UBR4: variants seen among roughly 807,000 people sequenced by gnomAD.
UBR4 encodes the protein ubiquitin protein ligase E3 component n-recognin 4, also known as E3 ubiquitin-protein ligase UBR4.
A neutral mutation model predicts 575.6 loss-of-function variants in UBR4; 124 were observed. The observed-to-expected ratio is 0.22, with a 90% CI of 0.19 to 0.25. UBR4 has a LOEUF of 0.25. UBR4 is among the 10% of genes least tolerant of loss of function. UBR4 has a pLI of 1.00. For missense variants in UBR4, 4,818 were observed against 6,478.8 expected, an observed-to-expected ratio of 0.74 and a Z score of 8.80; for synonymous variants, 2,455 against 2,473.7, an observed-to-expected ratio of 0.99 and a Z score of 0.22.
rs201744932 is a variant in UBR4, at chr1:19,148,051, T to C, written c.7571A>G (p.Gln2524Arg). 7 of 1,612,702 alleles carry C rather than the reference T, an allele frequency of 4.3e-6. No individual in the cohort carries two copies. The African/African-American group carries it at 9.3e-5, about 21-fold the overall frequency. Residue 2524 changes from glutamine (Q) to arginine (R), a missense_variant, in exon 51 of 106, where the codon CAG becomes CGG. Gln to Arg is a conservative substitution (Grantham distance 43). Around this residue, in one of 29 missense-constraint regions of UBR4, gnomAD observed 340 missense variants for 375.4 expected, o/e 0.91. Transcript: ENST00000375254. The part of the protein sequence containing the change: ...SLPAPASVQQ[Q>R]SKSLLASLHT... ...CAGGCTGGCCAGAAGGCTCTTGGAC[T>C]GCTGCTGGACACTGGCAGGTGCTGG...
chr1:19,169,976 G>A (rs1251427279), intron 26 of UBR4, among the ~76,000 whole-genome samples: 1 of 152,210 alleles, frequency 6.6e-6, no homozygotes, highest in Admixed American at 6.5e-5. Flanking sequence ...AGTACAAAGT[G>A]AGACTATCTG....
intron 60 of UBR4, among the ~76,000 whole-genome samples, chr1:19,133,567 A>T (rs974997862): frequency 6.6e-6 from 1 of 152,248 alleles, no homozygotes; most frequent in Non-Finnish European, 1.5e-5. Context: ...AAAATTAAAA[A>T]GTATAAAGAT....
rs777547527 is a variant in UBR4, at chr1:19,124,555, A to G, written c.9574T>C (p.Tyr3192His). 12 of 1,614,208 alleles carry G rather than the reference A, an allele frequency of 7.4e-6. No individual in the cohort carries two copies. Among genetic ancestry groups the G allele is most frequent in the Non-Finnish European group, 1.0e-5 (12 of 1,180,000 alleles). Reference protein sequence around the residue: ...PPPVFDHSWFYFLSEYLMIQQ... With the variant: ...PPPVFDHSWFHFLSEYLMIQQ... ...CTTTCACTTACCTCGGAGAGAAAGT[A>G]AAACCACGAGTGGTCAAAGACAGGA... Residue 3192 changes from tyrosine (Y) to histidine (H), a missense_variant, in exon 65 of 106, where the codon TAC becomes CAC. Tyr to His is a moderately conservative substitution (Grantham distance 83). Around this residue, in one of 29 missense-constraint regions of UBR4, gnomAD observed 550 missense variants for 791.5 expected, o/e 0.69. Coordinates refer to ENST00000375254, the MANE Select transcript of UBR4 (RefSeq NM_020765.3).
rs202182764 is a variant in UBR4, at chr1:19,163,875, G to A, written c.4701-48C>T. On this transcript the variant is annotated intron_variant, in intron 33 of 105. Coordinates refer to ENST00000375254, the MANE Select transcript of UBR4 (RefSeq NM_020765.3). Reference sequence around the variant, plus strand: ...GGGAAAGAGGAGACACAAAATCATCGAAGAAACCAACGAAATGAGGCATCT... The same window carrying A: ...GGGAAAGAGGAGACACAAAATCATCAAAGAAACCAACGAAATGAGGCATCT... 2.5e-5 allele frequency: 40 copies of A among 1,597,258 alleles called. No individual in the cohort carries two copies. The East Asian group carries it at 3.3e-4, about 13-fold the overall frequency.
chr1:19,095,763 C>G (rs2077974347), intron 92 of UBR4, 111 bp from the exon 93 acceptor site: 19 of 950,474 alleles, frequency 2.0e-5, no homozygotes, highest in Non-Finnish European at 3.1e-5. Flanking sequence ...AGGGGCTCCT[C>G]CTGAAATGAA....
chr1:19,184,218 G>A (rs776415585), intron 15 of UBR4, 43 bp from the exon 16 acceptor site: 3 of 1,592,332 alleles, frequency 1.9e-6, no homozygotes, highest in East Asian at 2.2e-5. Flanking sequence ...AGGGTCATAA[G>A]CCCAGCGTTC....
intron 14 of UBR4, among the ~76,000 whole-genome samples, chr1:19,186,076 C>T (rs1007967002): frequency 2.0e-5 from 3 of 152,070 alleles, no homozygotes; most frequent in African/African-American, 7.2e-5. Flanking sequence ...CTTATTCATT[C>T]TCTCATCAAA....
At chr1:19,175,729 C>G (rs1193205153) in intron 20 of UBR4, among the ~76,000 whole-genome samples, 2 of 152,170 alleles carry the variant, frequency 1.3e-5, no homozygotes, top group Non-Finnish European at 2.9e-5. Context: ...TGGCAAGAAT[C>G]CATATACTGT....
intron 26 of UBR4, 54 bp from the exon 27 acceptor site, chr1:19,169,586 G>C (rs1410224395): frequency 5.3e-6 from 8 of 1,518,434 alleles, no homozygotes; most frequent in Non-Finnish European, 1.8e-6. Context: ...GAACGACACA[G>C]AGCATTTTAA....
chr1:19,196,255 C>T (rs1387958066), intron 8 of UBR4, among the ~76,000 whole-genome samples: 2 of 152,158 alleles, frequency 1.3e-5, no homozygotes, highest in African/African-American at 4.8e-5. Flanking sequence ...CTCTAAAAGA[C>T]AGTAAGGTCT....
rs1465866709 is a variant in UBR4, at chr1:19,121,204, C to G, written c.10126G>C (p.Glu3376Gln). ...TGACCCTTACCATCTTTCTCCTTTT[C>G]TTTTTCTTCTTTCTTGCTCTTTTTA... ...STKKSKKEEK[E>Q]KEKDGETSGS... Residue 3376 changes from glutamate to glutamine, a missense_variant, in exon 68 of 106, where the codon GAA (glutamate) becomes CAA (glutamine). Physicochemically the swap from Glu to Gln is conservative, Grantham distance 29 (BLOSUM62 2). Coordinates refer to ENST00000375254, the MANE Select transcript of UBR4 (RefSeq NM_020765.3). 1.9e-6 allele frequency: 3 copies of G among 1,613,926 alleles called. No individual in the cohort carries two copies. Among genetic ancestry groups the G allele is most frequent in the Non-Finnish European group, 2.5e-6 (3 of 1,179,964 alleles).
chr1:19,091,068 C>A (rs914918841), intron 97 of UBR4, among the ~76,000 whole-genome samples: 2 of 149,820 alleles, frequency 1.3e-5, no homozygotes, highest in African/African-American at 5.0e-5. Flanking sequence ...TGCACTCCAG[C>A]CTGGGTGACA....
intron 60 of UBR4, among the ~76,000 whole-genome samples, chr1:19,132,752 A>G (rs1490589764): frequency 1.3e-5 from 2 of 152,036 alleles, no homozygotes; most frequent in Non-Finnish European, 2.9e-5. Flanking sequence ...CTGACAAAGA[A>G]TAAGTTACTA....
chr1:19,177,720 T>C lies in UBR4; in HGVS notation c.2378A>G (p.Asn793Ser), dbSNP rs2090423733. 6.2e-7 allele frequency: 1 copy of C among 1,613,570 alleles called. No homozygotes were observed. Among genetic ancestry groups the C allele is most frequent in the Admixed American group, 1.7e-5 (1 of 59,962 alleles). ...WDRFLSTMKQ[N>S]ALQGVVPSET... ...ACTGGGCACCACACCTTGCAGGGCA[T>C]TCTGCTTCATTGTAGACAAAAACCT... The change falls in exon 19 of 106, where the codon AAT becomes AGT. Residue 793 changes from asparagine to serine, a missense_variant. By Grantham distance (46) the Asn-to-Ser change is conservative (BLOSUM62 1). Transcript: ENST00000375254.
Position 19,173,318 on chromosome 1 carries a change from G to C in UBR4, c.3166-12C>G, listed in dbSNP as rs750481303. On this transcript the variant is annotated splice_polypyrimidine_tract_variant and intron_variant, in intron 23 of 105. Coordinates refer to ENST00000375254, the MANE Select transcript of UBR4 (RefSeq NM_020765.3). ...TTGATAAGGTGATCCTATTTGGACA[G>C]CAAGAAAAAGTGTTTAGGAGATGAC... 1 of 1,613,512 alleles carries C rather than the reference G, an allele frequency of 6.2e-7. No homozygotes were observed. The highest frequency in any genetic ancestry group is 1.7e-5 in the Admixed American group (1 of 59,822).
At position 19,167,144 on chromosome 1, in the gene UBR4, G is replaced by C. The variant is rs540451150; in HGVS notation, c.3987C>G (p.Ile1329Met). ...AGATGCGTTCCAGGGAGTTGCTACT[G>C]ATCTCGGCAACACTCTCAGTGCTTG... ...LESSTESVAE[I>M]SSNSLERILG... Residue 1329 changes from isoleucine to methionine, a missense_variant, in exon 29 of 106, where the codon ATC (isoleucine) becomes ATG (methionine). Physicochemically the swap from Ile to Met is conservative, Grantham distance 10. Around this residue, in one of 29 missense-constraint regions of UBR4, gnomAD observed 1,172 missense variants for 1,259.7 expected, o/e 0.93. Coordinates refer to ENST00000375254, the MANE Select transcript of UBR4 (RefSeq NM_020765.3). The C allele has an allele frequency of 6.2e-6, 10 of 1,614,198 alleles. No homozygotes were observed. Among genetic ancestry groups the C allele is most frequent in the Non-Finnish European group, 8.5e-6 (10 of 1,180,036 alleles).
intron 1 of UBR4, among the ~76,000 whole-genome samples, chr1:19,205,120 G>A (rs1406353819): frequency 6.6e-6 from 1 of 152,298 alleles, no homozygotes; most frequent in South Asian, 2.1e-4. Context: ...CAACAGCACC[G>A]CTGAGCGTGA....
chr1:19,090,499 C>T (rs551358673), intron 97 of UBR4, among the ~76,000 whole-genome samples: 1 of 152,298 alleles, frequency 6.6e-6, no homozygotes, highest in East Asian at 1.9e-4. Flanking sequence ...AGGCTTTAAG[C>T]TCTCTTTGGC....
rs117773271 is a variant in UBR4, at chr1:19,083,087, C to T, written c.15008+1417G>A. ...GGACCTGACAATTACAAATGTCTGG[C>T]TTGTTCAGAAACATACTGACACCTA... On this transcript the variant is annotated intron_variant, in intron 102 of 105. Transcript: ENST00000375254. 1.2e-4 allele frequency among the ~76,000 whole-genome samples: 18 copies of T among 152,238 alleles called. No homozygotes were observed. The East Asian group carries it at 3.3e-3, about 28-fold the overall frequency.
Sources: gnomAD v4.1 joint callset for allele counts (sites outside exome capture counted in the v4.1 genomes callset) on GRCh38, gnomAD v4.1.1 for gene constraint, gnomAD v4.1.1 regional missense constraint, MANE v1.5 for transcripts, NCBI Gene and HGNC (gene_info 2026-07-23, HGNC 2026-07-21) for gene names.